CTNNA3: variants seen among roughly 807,000 people sequenced by gnomAD.
The protein encoded by CTNNA3 is catenin alpha 3, also known as catenin alpha-3.
A neutral mutation model predicts 95.7 loss-of-function variants in CTNNA3; 76 were observed. That is an observed-to-expected ratio of 0.79 (90% confidence interval 0.66 to 0.96). The LOEUF is 0.96. Ranked by LOEUF, CTNNA3 falls within the 40% of genes least tolerant of loss-of-function variation. The pLI, the probability that CTNNA3 is intolerant of heterozygous loss-of-function variation, is 0.00. For synonymous variants in CTNNA3, 431 were observed against 374.4 expected, an observed-to-expected ratio of 1.15 and a Z score of -1.74; for missense variants, 1,191 against 1,089.8, an observed-to-expected ratio of 1.09 and a Z score of -1.31.
intron 13 of CTNNA3, among the ~76,000 whole-genome samples, chr10:66,218,789 T>C (rs150622518): frequency 1.3e-5 from 2 of 152,316 alleles, no homozygotes; most frequent in Non-Finnish European, 1.5e-5. Context: ...CTGAATAAAC[T>C]CTAAAGATTT....
intron 2 of CTNNA3, among the ~76,000 whole-genome samples, chr10:67,643,792 T>C (rs1270839800): frequency 6.6e-6 from 1 of 152,140 alleles, no homozygotes. Flanking sequence ...CGCTTGGTTT[T>C]CTCTTCTTGT....
rs1226520776 is a variant in CTNNA3, at chr10:66,199,805, A to ATTT, written c.1884+80662_1884+80664dup. ...TATATATATATATATATATATATAT[A>ATTT]TTTTTTTTTTTTTTTTTTTTTTTTT... On this transcript the variant is annotated intron_variant, in intron 13 of 17. Coordinates refer to ENST00000433211, the MANE Select transcript of CTNNA3 (RefSeq NM_013266.4). Among the ~76,000 whole-genome samples the ATTT allele has an allele frequency of 4.0e-3, 57 of 14,258 alleles. 5 individuals carry two copies. The highest frequency in any genetic ancestry group is 0.016 in the African/African-American group (40 of 2,534). 9.4% of individuals were successfully genotyped at this position (14,258 alleles called of 152,430 possible). A position where few individuals can be genotyped will look rare whatever the true frequency, so the allele number is the denominator to read the frequency against.
In CTNNA3 at chr10:65,965,393, C is replaced by CTTTTTTTTTTT. The variant is rs561552884; in HGVS notation, c.2400+1208_2400+1218dup. On this transcript the variant is annotated intron_variant, in intron 17 of 17. Coordinates refer to ENST00000433211, the MANE Select transcript of CTNNA3 (RefSeq NM_013266.4). ...GTCACTATTTGTTTCCTCCCCTCTACTTTTTTTTTTTTTTTTTTTTTTTTT... is the reference window on the plus strand; with the variant it reads ...GTCACTATTTGTTTCCTCCCCTCTACTTTTTTTTTTTTTTTTTTTTTTTTTTTTTTTTTTTT... Among the ~76,000 whole-genome samples, 7 of 77,674 alleles carry CTTTTTTTTTTT rather than the reference C, an allele frequency of 9.0e-5. 1 individual carries two copies. Among genetic ancestry groups the CTTTTTTTTTTT allele is most frequent in the African/African-American group, 3.7e-4 (7 of 19,056 alleles). 51.0% of individuals were successfully genotyped at this position (77,674 alleles called of 152,430 possible).
intron 17 of CTNNA3, 72 bp downstream of exon 17, chr10:65,966,540 T>C: frequency 1.6e-6 from 2 of 1,275,790 alleles, no homozygotes; most frequent in Non-Finnish European, 2.1e-6. Flanking sequence ...TTTGGTCATG[T>C]AAACAAGGGT....
At chr10:66,014,851 T>C (rs1165823970) in intron 15 of CTNNA3, among the ~76,000 whole-genome samples, 1 of 152,174 alleles carries the variant, frequency 6.6e-6, no homozygotes, top group African/African-American at 2.4e-5. Flanking sequence ...ATGCCTGTAA[T>C]CCCAGCACTG....
At chr10:66,568,960 G>A (rs560211572) in intron 10 of CTNNA3, among the ~76,000 whole-genome samples, 1 of 152,080 alleles carries the variant, frequency 6.6e-6, no homozygotes, top group Admixed American at 6.5e-5. Flanking sequence ...AGAAGTAACT[G>A]AAATCCAGAA....
intron 5 of CTNNA3, among the ~76,000 whole-genome samples, chr10:67,480,124 C>T (rs1292233164): frequency 2.0e-5 from 3 of 151,610 alleles, no homozygotes; most frequent in East Asian, 1.9e-4. Context: ...AAGCCCTGGA[C>T]CAGAAGAATT....
chr10:66,671,633 C>T (rs938154906), intron 9 of CTNNA3, among the ~76,000 whole-genome samples: 4 of 152,126 alleles, frequency 2.6e-5, no homozygotes, highest in African/African-American at 7.2e-5. Flanking sequence ...TACTGACCTC[C>T]ACATGAGTGG....
intron 14 of CTNNA3, among the ~76,000 whole-genome samples, chr10:66,100,212 T>C (rs533059174): frequency 2.7e-4 from 41 of 152,194 alleles, no homozygotes; most frequent in African/African-American, 9.9e-4. Context: ...CTGGGGACCC[T>C]TTCAGGTTCT....
intron 5 of CTNNA3, among the ~76,000 whole-genome samples, chr10:67,290,893 T>A (rs932592070): frequency 2.6e-5 from 4 of 152,190 alleles, no homozygotes; most frequent in African/African-American, 9.7e-5. Flanking sequence ...TCTCAGAAAT[T>A]AAAAGAAGAT....
intron 9 of CTNNA3, among the ~76,000 whole-genome samples, chr10:66,690,635 C>T (rs1847489554): frequency 6.6e-6 from 1 of 151,522 alleles, no homozygotes; most frequent in Admixed American, 6.6e-5. Context: ...ATCCATGTCC[C>T]TACAAAGGAC....
At chr10:67,177,520 A>G (rs1418358407) in intron 7 of CTNNA3, among the ~76,000 whole-genome samples, 1 of 152,202 alleles carries the variant, frequency 6.6e-6, no homozygotes, top group Non-Finnish European at 1.5e-5. Context: ...GCACAGCTCA[A>G]TTACAAAAGC....
intron 7 of CTNNA3, among the ~76,000 whole-genome samples, chr10:67,024,545 T>C (rs1853233410): frequency 6.6e-6 from 1 of 152,218 alleles, no homozygotes; most frequent in African/African-American, 2.4e-5. Flanking sequence ...ACCACGTTAA[T>C]ATATGCTTCA....
At chr10:66,139,124 A>G (rs1442613848) in intron 13 of CTNNA3, among the ~76,000 whole-genome samples, 1 of 152,130 alleles carries the variant, frequency 6.6e-6, no homozygotes, top group Non-Finnish European at 1.5e-5. Context: ...AATCTTTTAC[A>G]CCATTTCCTA....
chr10:66,489,615 A>AGTGC (rs1839853916), intron 11 of CTNNA3, among the ~76,000 whole-genome samples: 2 of 152,162 alleles, frequency 1.3e-5, no homozygotes, highest in Non-Finnish European at 2.9e-5. Context: ...CACACACACA[A>AGTGC]ACACACACAG....
At chr10:66,280,828 AT>A (rs61169201) in intron 12 of CTNNA3, among the ~76,000 whole-genome samples, 146 of 150,224 alleles carry the variant, frequency 9.7e-4, no homozygotes, top group Middle Eastern at 3.4e-3. Flanking sequence ...AATTAAAGGC[AT>A]TTTTTTTTTC....
chr10:66,462,127 A>T (rs2093534061), intron 11 of CTNNA3, among the ~76,000 whole-genome samples: 1 of 152,070 alleles, frequency 6.6e-6, no homozygotes, highest in Non-Finnish European at 1.5e-5. Flanking sequence ...TCCAATTATT[A>T]ATTCTAGAAA....
chr10:67,698,003 C>T (rs1392292620), upstream of CTNNA3, among the ~76,000 whole-genome samples: 2 of 152,188 alleles, frequency 1.3e-5, no homozygotes, highest in Non-Finnish European at 2.9e-5. Context: ...TCTGTGTGAT[C>T]GCTGAGGCAT....
intron 7 of CTNNA3, among the ~76,000 whole-genome samples, chr10:67,067,791 CTA>C (rs1385219527): frequency 1.6e-4 from 24 of 152,158 alleles, no homozygotes; most frequent in African/African-American, 5.6e-4. Context: ...TCTGGGCACA[CTA>C]TGTGCTGGAT....
Sources: allele counts gnomAD v4.1 joint callset (sites outside exome capture counted in the v4.1 genomes callset), GRCh38; gene constraint gnomAD v4.1.1; transcripts MANE v1.5; gene names NCBI Gene and HGNC (gene_info 2026-07-23, HGNC 2026-07-21).